Variants in PDE4D observed in about 807,000 individuals in gnomAD.
The protein encoded by PDE4D is 3',5'-cyclic-AMP phosphodiesterase 4D.
PDE4D carries 24 observed loss-of-function variants against 87.4 expected under a neutral mutation model. The observed-to-expected ratio is 0.27, with a 90% CI of 0.20 to 0.39. The LOEUF (loss-of-function observed/expected upper bound fraction) is 0.39, where lower values mean the gene tolerates loss of function less well. Ranked by LOEUF, PDE4D falls within the 10% of genes least tolerant of loss-of-function variation. PDE4D has a pLI of 1.00. For missense variants in PDE4D, 714 were observed against 1,041.0 expected (o/e 0.69, Z 4.32); for synonymous variants, 384 against 383.2 (o/e 1.00, Z -0.02).
intron 1 of PDE4D, among the ~76,000 whole-genome samples, chr5:60,208,253 A>C (rs959375632): frequency 3.3e-5 from 5 of 152,216 alleles, no homozygotes; most frequent in African/African-American, 1.2e-4. Flanking sequence ...TTGCAATTTT[A>C]GATAGCATGC....
At chr5:59,084,327 G>A (rs1321747555) in intron 5 of PDE4D, among the ~76,000 whole-genome samples, 2 of 151,780 alleles carry the variant, frequency 1.3e-5, no homozygotes, top group African/African-American at 4.8e-5. Context: ...ATAATTATTA[G>A]AGATATAAAT....
intron 1 of PDE4D, among the ~76,000 whole-genome samples, chr5:60,196,345 T>A (rs1018223641): frequency 4.0e-5 from 6 of 151,678 alleles, no homozygotes; most frequent in Admixed American, 3.3e-4. Flanking sequence ...TAATTAAAAG[T>A]CCAGGGACCT....
At chr5:59,471,819 G>A (rs963711393) in intron 1 of PDE4D, among the ~76,000 whole-genome samples, 1 of 152,318 alleles carries the variant, frequency 6.6e-6, no homozygotes, top group Non-Finnish European at 1.5e-5. Flanking sequence ...TAAGGTTGTA[G>A]TATAATATAT....
chr5:60,465,453 A>C (rs767243808), intron 1 of PDE4D, among the ~76,000 whole-genome samples: 1 of 152,170 alleles, frequency 6.6e-6, no homozygotes, highest in Non-Finnish European at 1.5e-5. Context: ...GTTTGGAAGG[A>C]TGTGCATGGT....
intron 2 of PDE4D, among the ~76,000 whole-genome samples, chr5:60,106,961 G>T (rs1256567551): frequency 6.6e-6 from 1 of 151,530 alleles, no homozygotes; most frequent in Non-Finnish European, 1.5e-5. Flanking sequence ...AGAAAAGCAA[G>T]AGCAAACACA....
intron 1 of PDE4D, among the ~76,000 whole-genome samples, chr5:59,814,711 G>A (rs181858216): frequency 3.5e-4 from 54 of 152,290 alleles, no homozygotes; most frequent in Middle Eastern, 3.4e-3. Flanking sequence ...CTTCAGGCAG[G>A]GGCTTAGGGC....
chr5:60,159,061 G>GT (rs1312673169), intron 2 of PDE4D, among the ~76,000 whole-genome samples: 12 of 152,202 alleles, frequency 7.9e-5, no homozygotes, highest in African/African-American at 2.9e-4. Flanking sequence ...TATTCTGTAA[G>GT]TTTTTTCTAG....
At chr5:59,317,187 C>T (rs1773903964) in intron 1 of PDE4D, among the ~76,000 whole-genome samples, 1 of 152,162 alleles carries the variant, frequency 6.6e-6, no homozygotes, top group Non-Finnish European at 1.5e-5. Flanking sequence ...TTGAGAGCAT[C>T]CACTGGCTTG....
intron 1 of PDE4D, among the ~76,000 whole-genome samples, chr5:59,383,530 A>C (rs1268181113): frequency 6.6e-6 from 1 of 152,138 alleles, no homozygotes; most frequent in Non-Finnish European, 1.5e-5. Flanking sequence ...CTAAGACGCT[A>C]CACAATGTAT....
intron 1 of PDE4D, among the ~76,000 whole-genome samples, chr5:59,830,418 AT>A (rs1244660469): frequency 3.3e-5 from 5 of 152,162 alleles, no homozygotes; most frequent in African/African-American, 1.2e-4. Context: ...TTCTAAAAAA[AT>A]CTATGAATCA....
At chr5:59,751,638 G>A (rs1175060298) in intron 1 of PDE4D, among the ~76,000 whole-genome samples, 2 of 151,178 alleles carry the variant, frequency 1.3e-5, no homozygotes, top group African/African-American at 2.4e-5. Flanking sequence ...GCGAGCAAGC[G>A]AGAGCAAGAG....
chr5:59,341,820 A>C lies in PDE4D; in HGVS notation c.456-125852T>G, dbSNP rs562309680. ...TTTCATAAATTAATTTTTCTATTCAAACTTGCACTTATCTTTGATGGAAAG... is the reference window on the plus strand; with the variant it reads ...TTTCATAAATTAATTTTTCTATTCACACTTGCACTTATCTTTGATGGAAAG... On this transcript the variant is annotated intron_variant, in intron 1 of 14. Transcript: ENST00000340635. Among the ~76,000 whole-genome samples, 24 of 152,286 alleles carry C rather than the reference A, an allele frequency of 1.6e-4. No individual in the cohort carries two copies. In the South Asian group the frequency reaches 4.6e-3, roughly 29 times the overall value.
intron 1 of PDE4D, among the ~76,000 whole-genome samples, chr5:59,745,670 C>T (rs1048113202): frequency 6.6e-6 from 1 of 151,998 alleles, no homozygotes; most frequent in Non-Finnish European, 1.5e-5. Flanking sequence ...TGAGGAGAAG[C>T]CAACCAATCA....
intron 2 of PDE4D, among the ~76,000 whole-genome samples, chr5:60,079,480 G>C (rs1004520404): frequency 6.6e-6 from 1 of 152,102 alleles, no homozygotes; most frequent in African/African-American, 2.4e-5. Flanking sequence ...TATTGCCTAG[G>C]TTTTCTTCTA....
At chr5:60,474,572 T>C (rs1473283075) in intron 1 of PDE4D, among the ~76,000 whole-genome samples, 1 of 152,160 alleles carries the variant, frequency 6.6e-6, no homozygotes, top group Non-Finnish European at 1.5e-5. Context: ...GTTTTCATCT[T>C]TATAACCCTT....
chr5:59,948,704 G>A (rs1361352551), intron 3 of PDE4D, among the ~76,000 whole-genome samples: 1 of 152,204 alleles, frequency 6.6e-6, no homozygotes, highest in Non-Finnish European at 1.5e-5. Flanking sequence ...CCTTTGAGAT[G>A]CTTACAACTT....
In PDE4D at chr5:58,972,376, T is replaced by C. The variant is rs10036063; in HGVS notation, c.*2288A>G. ...GAGTAGAAACCTTGCAATTAACTAG[T>C]TGATTCCTCTTCTGCTTTATGTAAA... is the stretch of plus-strand genomic sequence containing the variant. On this transcript the variant is annotated 3_prime_UTR_variant, in exon 15 of 15. Coordinates refer to ENST00000340635, the MANE Select transcript of PDE4D (RefSeq NM_001104631.2). 24,440 of 152,504 alleles carry C rather than the reference T, an allele frequency of 0.16. 2,062 individuals carry two copies. The highest frequency in any genetic ancestry group is 0.19 in the Admixed American group (2,887 of 15,264). 9.4% of individuals were successfully genotyped at this position (152,504 alleles called of 1,614,324 possible).
intron 3 of PDE4D, among the ~76,000 whole-genome samples, chr5:59,918,448 G>A (rs1754309205): frequency 6.6e-6 from 1 of 152,122 alleles, no homozygotes; most frequent in Admixed American, 6.6e-5. Context: ...ATTCACAACT[G>A]TTTATATTTT....
chr5:59,953,921 T>A (rs1413035768), intron 3 of PDE4D, among the ~76,000 whole-genome samples: 1 of 152,192 alleles, frequency 6.6e-6, no homozygotes, highest in African/African-American at 2.4e-5. Flanking sequence ...GTTTCCTAGT[T>A]TTTTTGTTTT....
Sources: gnomAD v4.1 joint callset for allele counts (sites outside exome capture counted in the v4.1 genomes callset) on GRCh38, gnomAD v4.1.1 for gene constraint, MANE v1.5 for transcripts, NCBI Gene and HGNC (gene_info 2026-07-23, HGNC 2026-07-21) for gene names.